The following SLIT2 variants were observed in gnomAD, a reference collection of about 807,000 sequenced individuals.
SLIT2 encodes slit guidance ligand 2, also known as slit homolog 2 protein.
In SLIT2, 41 loss-of-function variants were observed where a neutral mutation model predicts 185.7. The ratio of observed to expected loss-of-function variants is 0.22; its 90% CI spans 0.17 to 0.29. The LOEUF (loss-of-function observed/expected upper bound fraction) is 0.29, where lower values mean the gene tolerates loss of function less well. SLIT2 is among the 10% of genes least tolerant of loss of function. The pLI is 1.00. For missense variants in SLIT2, 1,571 were observed against 1,909.0 expected, an observed-to-expected ratio of 0.82 and a Z score of 3.30; for synonymous variants, 693 against 680.2, an observed-to-expected ratio of 1.02 and a Z score of -0.29.
chr4:20,472,394 A>AGATATCTATATC (rs1715361015), intron 5 of SLIT2, among the ~76,000 whole-genome samples: 1 of 86,134 alleles, frequency 1.2e-5, no homozygotes, highest in Non-Finnish European at 2.1e-5. Flanking sequence ...ATGTAGATAT[A>AGATATCTATATC]TAGATATAGA....
rs1168624079 is a variant in SLIT2 at position 20,254,879 on chromosome 4, C to T, written c.179+885C>T. On this transcript the variant is annotated intron_variant, in intron 1 of 36. Transcript: ENST00000504154. This position sits in a 1 kb window ranked among gnomAD's most constrained non-coding sequence, Gnocchi z 5.1. ...GGCAGCAGTTCCCCTGCCTTCCCCT[C>T]TTCGCGCTCCGTTGCTCGCAGACGT... 2 of 455,618 alleles carry T rather than the reference C, an allele frequency of 4.4e-6. No homozygotes were observed. Among genetic ancestry groups the T allele is most frequent in the Middle Eastern group, 3.3e-4 (1 of 3,068 alleles). The allele number at this position is 455,618 out of a possible 1,614,324, so 28.2% of individuals were successfully genotyped here.
chr4:20,582,005 C>T (rs1726620621), intron 29 of SLIT2, among the ~76,000 whole-genome samples: 4 of 152,216 alleles, frequency 2.6e-5, no homozygotes, highest in Admixed American at 2.6e-4. Flanking sequence ...CCTTGGCCTC[C>T]CAAAGTGCTG....
chr4:20,329,396 T>G (rs560506738), intron 4 of SLIT2, among the ~76,000 whole-genome samples: 3 of 152,132 alleles, frequency 2.0e-5, no homozygotes, highest in African/African-American at 4.8e-5. Context: ...TAACTTTAAT[T>G]TTTATAATTC....
At chr4:20,490,366 C>T (rs1305509802) in intron 8 of SLIT2, among the ~76,000 whole-genome samples, 1 of 151,484 alleles carries the variant, frequency 6.6e-6, no homozygotes, top group Admixed American at 6.6e-5. Context: ...GGTTTGATTA[C>T]ATATATACAC....
chr4:20,316,647 A>G (rs1718615061), intron 4 of SLIT2, among the ~76,000 whole-genome samples: 1 of 151,496 alleles, frequency 6.6e-6, no homozygotes, highest in South Asian at 2.1e-4. Context: ...ATATTTATAT[A>G]TAAATATGTT....
chr4:20,609,550 A>G (rs1485918168), intron 33 of SLIT2, among the ~76,000 whole-genome samples: 1 of 152,158 alleles, frequency 6.6e-6, no homozygotes, highest in African/African-American at 2.4e-5. Flanking sequence ...GTAAGTCCTA[A>G]TCTACAGTTT....
chr4:20,289,746 G>C (rs1171434765), intron 4 of SLIT2, among the ~76,000 whole-genome samples: 2 of 152,196 alleles, frequency 1.3e-5, no homozygotes, highest in Middle Eastern at 3.2e-3. Flanking sequence ...AGGTAGACTG[G>C]CAGATGCTCA....
At chr4:20,558,784 A>G (rs963128274) in intron 26 of SLIT2, among the ~76,000 whole-genome samples, 16 of 152,066 alleles carry the variant, frequency 1.1e-4, no homozygotes, top group Non-Finnish European at 1.6e-4. Flanking sequence ...GCACTGCCCA[A>G]TACAACTTTC....
intron 30 of SLIT2, among the ~76,000 whole-genome samples, chr4:20,592,444 C>T (rs945957155): frequency 2.6e-5 from 4 of 152,116 alleles, no homozygotes; most frequent in African/African-American, 7.2e-5. Flanking sequence ...ATAATACAAA[C>T]TCAGGAATTC....
intron 4 of SLIT2, among the ~76,000 whole-genome samples, chr4:20,466,317 G>T: frequency 6.6e-6 from 1 of 152,100 alleles, no homozygotes; most frequent in Non-Finnish European, 1.5e-5. Context: ...TTTAGGAAAT[G>T]AAGGATTAAT....
intron 4 of SLIT2, among the ~76,000 whole-genome samples, chr4:20,408,128 A>T (rs889894989): frequency 7.2e-5 from 11 of 152,176 alleles, no homozygotes; most frequent in African/African-American, 2.7e-4. Flanking sequence ...TGTATGCTTA[A>T]TATTAACGGG....
At chr4:20,342,717 C>T (rs1577466657) in intron 4 of SLIT2, among the ~76,000 whole-genome samples, 62 of 69,656 alleles carry the variant, frequency 8.9e-4, no homozygotes, top group Admixed American at 1.3e-3. Flanking sequence ...GACTATCGCA[C>T]TTTTTTTTTT....
chr4:20,452,834 C>A (rs142002568), intron 4 of SLIT2, among the ~76,000 whole-genome samples: 1,944 of 152,280 alleles, frequency 0.013, 41 homozygotes, highest in African/African-American at 0.045. Flanking sequence ...GGAACCGAGG[C>A]CTTTCTGCTG....
At chr4:20,388,688 C>T (rs1482722242) in intron 4 of SLIT2, among the ~76,000 whole-genome samples, 2 of 150,832 alleles carry the variant, frequency 1.3e-5, no homozygotes, top group African/African-American at 4.9e-5. Flanking sequence ...GGAGGAGAAT[C>T]GTTTGAACCC....
chr4:20,590,711 G>A lies in SLIT2; in HGVS notation c.3182+974G>A, dbSNP rs574092252. Among the ~76,000 whole-genome samples the A allele has an allele frequency of 3.9e-5, 6 of 152,158 alleles. No individual in the cohort carries two copies. In the South Asian group the frequency reaches 1.2e-3, roughly 32 times the overall value. On this transcript the variant is annotated intron_variant, in intron 30 of 36. Coordinates refer to ENST00000504154, the MANE Select transcript of SLIT2 (RefSeq NM_004787.4). ...TGCTATGAAATTACGTGATTTCTTT[G>A]CCACCATCCTGTAATATTTTAAGGG... is the stretch of plus-strand genomic sequence containing the variant.
chr4:20,497,896 G>A lies in SLIT2; in HGVS notation c.914+5997G>A, dbSNP rs562345629. ...AACAAAACAAAACAAAACAAAAAAC[G>A]GGCGTGCTGGATCACGCCTGTAATC... On this transcript the variant is annotated intron_variant, in intron 9 of 36. Coordinates refer to ENST00000504154, the MANE Select transcript of SLIT2 (RefSeq NM_004787.4). 7.9e-5 allele frequency among the ~76,000 whole-genome samples: 12 copies of A among 152,112 alleles called. No homozygotes were observed. In the East Asian group the frequency reaches 1.4e-3, roughly 17 times the overall value.
intron 5 of SLIT2, among the ~76,000 whole-genome samples, chr4:20,478,403 G>A (rs1187423388): frequency 6.6e-6 from 1 of 152,150 alleles, no homozygotes; most frequent in Non-Finnish European, 1.5e-5. Context: ...ATAACCATGA[G>A]CAATATTAAA....
At chr4:20,511,592 T>TTTTTTTTTTTTTTTA (rs1553915372) in intron 11 of SLIT2, among the ~76,000 whole-genome samples, 2 of 133,508 alleles carry the variant, frequency 1.5e-5, no homozygotes, top group East Asian at 4.7e-4. Flanking sequence ...AGCTAATTTT[T>TTTTTTTTTTTTTTTA]TTTTTTTTTT....
chr4:20,585,533 C>G (rs927173188), intron 29 of SLIT2, among the ~76,000 whole-genome samples: 4 of 152,174 alleles, frequency 2.6e-5, no homozygotes, highest in African/African-American at 7.2e-5. Flanking sequence ...CTTGCCTAGG[C>G]TCCTATCTCT....
Sources: gnomAD v4.1 joint callset for allele counts (sites outside exome capture counted in the v4.1 genomes callset) on GRCh38, gnomAD v4.1.1 for gene constraint, Gnocchi (gnomAD v3.1) non-coding constraint, MANE v1.5 for transcripts, NCBI Gene and HGNC (gene_info 2026-07-23, HGNC 2026-07-21) for gene names.